The following CAMK1D variants were observed in gnomAD, a reference collection of about 807,000 sequenced individuals.
CAMK1D encodes the protein calcium/calmodulin-dependent protein kinase type 1D.
Under a neutral mutation model 47.7 loss-of-function variants are expected in CAMK1D, and 9 were observed. That is an observed-to-expected ratio of 0.19 (90% confidence interval 0.11 to 0.33). The LOEUF (loss-of-function observed/expected upper bound fraction) is 0.33, where lower values mean the gene tolerates loss of function less well. Among genes scored for constraint, CAMK1D ranks in the 10% least tolerant of loss-of-function variants. The probability of loss-of-function intolerance (pLI) is 1.00; values close to 1 mark genes in which losing one functional copy is unlikely to be tolerated. For missense variants in CAMK1D, 291 were observed against 488.7 expected, an observed-to-expected ratio of 0.60 and a Z score of 3.81; for synonymous variants, 184 against 184.9, an observed-to-expected ratio of 0.99 and a Z score of 0.04.
intron 2 of CAMK1D, among the ~76,000 whole-genome samples, chr10:12,636,458 G>A (rs908937404): frequency 6.6e-6 from 1 of 152,180 alleles, no homozygotes; most frequent in Non-Finnish European, 1.5e-5. Flanking sequence ...TTCCTGAGGA[G>A]CTGAGACTAC....
At chr10:12,607,961 T>C (rs1430062758) in intron 2 of CAMK1D, among the ~76,000 whole-genome samples, 2 of 151,926 alleles carry the variant, frequency 1.3e-5, no homozygotes, top group African/African-American at 4.8e-5. Flanking sequence ...ACCTGTCTCT[T>C]TAATAATAAA....
chr10:12,800,715 T>C (rs1838389314), intron 6 of CAMK1D, among the ~76,000 whole-genome samples: 1 of 152,188 alleles, frequency 6.6e-6, no homozygotes, highest in African/African-American at 2.4e-5. Context: ...GAGCAGGCGT[T>C]CTCAGGAAAG....
At chr10:12,355,358 CA>C (rs1837477414) in intron 1 of CAMK1D, among the ~76,000 whole-genome samples, 1 of 152,106 alleles carries the variant, frequency 6.6e-6, no homozygotes, top group African/African-American at 2.4e-5. Flanking sequence ...TGAAATTGCC[CA>C]ATAAATACAC....
intron 1 of CAMK1D, among the ~76,000 whole-genome samples, chr10:12,394,781 A>C (rs1397257756): frequency 6.6e-6 from 1 of 152,174 alleles, no homozygotes; most frequent in African/African-American, 2.4e-5. Context: ...AAGTGTTTAT[A>C]GTGTTAGCTC....
At chr10:12,576,097 G>A (rs1296113222) in intron 2 of CAMK1D, among the ~76,000 whole-genome samples, 1 of 152,162 alleles carries the variant, frequency 6.6e-6, no homozygotes, top group Non-Finnish European at 1.5e-5. Flanking sequence ...TCTAGTGAAA[G>A]CAAAAATGTG....
chr10:12,744,518 T>C (rs1030667368), intron 3 of CAMK1D, among the ~76,000 whole-genome samples: 5 of 152,306 alleles, frequency 3.3e-5, no homozygotes, highest in Admixed American at 3.3e-4. Context: ...TGTTTTGGTT[T>C]TAAAATGTAG....
chr10:12,786,879 T>A (rs558590806), intron 5 of CAMK1D, among the ~76,000 whole-genome samples: 25 of 152,328 alleles, frequency 1.6e-4, no homozygotes, highest in African/African-American at 6.0e-4. Flanking sequence ...TCCCAGCACT[T>A]TGGGAGGCCA....
chr10:12,652,179 T>G (rs1362423430), intron 2 of CAMK1D, among the ~76,000 whole-genome samples: 1 of 152,118 alleles, frequency 6.6e-6, no homozygotes, highest in Non-Finnish European at 1.5e-5. Flanking sequence ...AATTTCACTT[T>G]TGAATTGTTG....
At chr10:12,688,422 G>A (rs73574026) in intron 3 of CAMK1D, among the ~76,000 whole-genome samples, 4,554 of 152,048 alleles carry the variant, frequency 0.03, 83 homozygotes, top group African/African-American at 0.045. Context: ...CTTCTCTTTA[G>A]CCTCTGGAAA....
chr10:12,443,781 C>A (rs979646628), intron 1 of CAMK1D, among the ~76,000 whole-genome samples: 1 of 152,164 alleles, frequency 6.6e-6, no homozygotes, highest in African/African-American at 2.4e-5. Flanking sequence ...AGGCACCTAC[C>A]ACCATGCCCG....
chr10:12,476,840 A>T (rs1015311473), intron 1 of CAMK1D, among the ~76,000 whole-genome samples: 10 of 152,078 alleles, frequency 6.6e-5, no homozygotes, highest in Non-Finnish European at 2.9e-5. Flanking sequence ...GCCCATCTGT[A>T]CACTGGAGGA....
At chr10:12,445,717 C>G (rs150480880) in intron 1 of CAMK1D, among the ~76,000 whole-genome samples, 69 of 152,302 alleles carry the variant, frequency 4.5e-4, no homozygotes, top group African/African-American at 1.7e-3. Context: ...AAGTCATAAA[C>G]CATGTCCTGA....
intron 2 of CAMK1D, among the ~76,000 whole-genome samples, chr10:12,568,158 TTCCCTCCC>T (rs1238037708): frequency 2.0e-3 from 120 of 60,068 alleles, no homozygotes; most frequent in African/African-American, 7.1e-3. Flanking sequence ...CCCTGTTTCC[TTCCCTCCC>T]TCCCTCCCTC....
At chr10:12,638,173 G>C (rs1839564571) in intron 2 of CAMK1D, among the ~76,000 whole-genome samples, 1 of 152,194 alleles carries the variant, frequency 6.6e-6, no homozygotes, top group Non-Finnish European at 1.5e-5. Flanking sequence ...AAAGGGCTAG[G>C]GGGTGGGAGG....
intron 1 of CAMK1D, among the ~76,000 whole-genome samples, chr10:12,443,531 A>G (rs1832844376): frequency 6.6e-6 from 1 of 152,242 alleles, no homozygotes; most frequent in Non-Finnish European, 1.5e-5. Flanking sequence ...GTGAGTTTAT[A>G]GAGTAAAGTG....
intron 3 of CAMK1D, among the ~76,000 whole-genome samples, chr10:12,695,108 T>A (rs182655990): frequency 6.6e-6 from 1 of 151,844 alleles, no homozygotes; most frequent in Admixed American, 6.6e-5. Flanking sequence ...GGTAGATTGA[T>A]CCTATTGGTT....
intron 2 of CAMK1D, among the ~76,000 whole-genome samples, chr10:12,639,558 T>A (rs953836789): frequency 2.0e-5 from 3 of 151,970 alleles, no homozygotes; most frequent in African/African-American, 4.8e-5. Context: ...ATTTTTTTTT[T>A]AAATTTAATT....
intron 3 of CAMK1D, among the ~76,000 whole-genome samples, chr10:12,693,433 G>A (rs966374943): frequency 6.6e-6 from 1 of 151,932 alleles, no homozygotes; most frequent in Non-Finnish European, 1.5e-5. Flanking sequence ...GGGCAATGTA[G>A]TGAAACCCCA....
intron 8 of CAMK1D, among the ~76,000 whole-genome samples, chr10:12,819,107 C>T (rs1564586478): frequency 6.6e-6 from 1 of 152,142 alleles, no homozygotes; most frequent in Non-Finnish European, 1.5e-5. Flanking sequence ...CCAGTTAACA[C>T]CTGCTCTCTC....
Sources: allele counts gnomAD v4.1 joint callset (sites outside exome capture counted in the v4.1 genomes callset), GRCh38; gene constraint gnomAD v4.1.1; transcripts MANE v1.5; gene names NCBI Gene and HGNC (gene_info 2026-07-23, HGNC 2026-07-21).